PLCH1: variants seen among roughly 807,000 people sequenced by gnomAD.
PLCH1 encodes the protein phospholipase C eta 1, also known as 1-phosphatidylinositol 4,5-bisphosphate phosphodiesterase eta-1.
PLCH1 carries 60 observed loss-of-function variants against 126.7 expected under a neutral mutation model. The observed-to-expected ratio is 0.47, with a 90% CI of 0.38 to 0.59. The LOEUF is 0.59. PLCH1 is among the 20% of genes least tolerant of loss of function. PLCH1 has a pLI of 0.00. For missense variants in PLCH1, 1,723 were observed against 2,040.0 expected (o/e 0.84, Z 2.99); for synonymous variants, 719 against 734.9 (o/e 0.98, Z 0.35).
intron 2 of PLCH1, among the ~76,000 whole-genome samples, chr3:155,610,814 C>G (rs1016635608): frequency 1.3e-5 from 2 of 151,200 alleles, no homozygotes; most frequent in African/African-American, 4.9e-5. Flanking sequence ...TAAAAAAAAA[C>G]ACAAGGAATT....
chr3:155,628,190 A>G (rs889277763), intron 2 of PLCH1, among the ~76,000 whole-genome samples: 17 of 152,014 alleles, frequency 1.1e-4, no homozygotes, highest in Admixed American at 1.1e-3. Flanking sequence ...GGGATACACC[A>G]CCCCAAAGTA....
At chr3:155,504,705 G>T in intron 12 of PLCH1, 79 bp from the exon 13 acceptor site, 1 of 933,034 alleles carries the variant, frequency 1.1e-6, no homozygotes, top group South Asian at 1.4e-5. Flanking sequence ...GAATAGCAAG[G>T]GGGCCCTCTT....
intron 2 of PLCH1, chr3:155,675,992 C>G (rs1744046417): frequency 6.7e-7 from 1 of 1,493,534 alleles, no homozygotes; most frequent in Non-Finnish European, 9.1e-7. Context: ...TAGTATGAGT[C>G]TTACCTTTTT....
chr3:155,638,413 A>G (rs547797155), intron 2 of PLCH1, among the ~76,000 whole-genome samples: 4 of 152,244 alleles, frequency 2.6e-5, no homozygotes, highest in Non-Finnish European at 5.9e-5. Flanking sequence ...GCTAAATTTA[A>G]GCCTGCTATA....
At chr3:155,566,238 T>TAC (rs869139814) in intron 7 of PLCH1, among the ~76,000 whole-genome samples, 20 of 110,676 alleles carry the variant, frequency 1.8e-4, no homozygotes, top group Admixed American at 3.7e-4. Flanking sequence ...CACATATATA[T>TAC]ACATATATAT....
At chr3:155,664,311 A>G (rs952807803) in intron 2 of PLCH1, among the ~76,000 whole-genome samples, 6 of 152,244 alleles carry the variant, frequency 3.9e-5, no homozygotes, top group Non-Finnish European at 8.8e-5. Flanking sequence ...TGTCTGAACT[A>G]TAGGGCTCTA....
In PLCH1 at chr3:155,684,153, C is replaced by T. The variant is rs571000866; in HGVS notation, c.79+19993G>A. On this transcript the variant is annotated intron_variant, in intron 2 of 22. Coordinates refer to ENST00000460012, the MANE Select transcript of PLCH1 (RefSeq NM_014996.4). ...AATACATGCATTCAAATAGGAGATA[C>T]GCATGGTCATCATAACGCAAACCCC... 4.6e-5 allele frequency among the ~76,000 whole-genome samples: 7 copies of T among 152,284 alleles called. No individual in the cohort carries two copies. The East Asian group carries it at 5.8e-4, about 13-fold the overall frequency.
intron 14 of PLCH1, among the ~76,000 whole-genome samples, chr3:155,500,185 A>C (rs962743602): frequency 6.6e-6 from 1 of 152,176 alleles, no homozygotes; most frequent in Non-Finnish European, 1.5e-5. Context: ...CAAACAAACA[A>C]ACAAAAAAGA....
intron 21 of PLCH1, among the ~76,000 whole-genome samples, chr3:155,466,490 A>C (rs962341031): frequency 6.6e-6 from 1 of 152,168 alleles, no homozygotes; most frequent in Non-Finnish European, 1.5e-5. Flanking sequence ...AATTCTTTCA[A>C]ATACCTAGAA....
chr3:155,664,201 T>TG (rs1483462030), intron 2 of PLCH1, among the ~76,000 whole-genome samples: 1 of 152,230 alleles, frequency 6.6e-6, no homozygotes, highest in Non-Finnish European at 1.5e-5. Flanking sequence ...CTGATTATCT[T>TG]GGCTAGTTCG....
At chr3:155,519,566 C>G (rs766643090) in intron 11 of PLCH1, among the ~76,000 whole-genome samples, 1 of 151,864 alleles carries the variant, frequency 6.6e-6, no homozygotes, top group African/African-American at 2.4e-5. Context: ...TGAAAGGAAC[C>G]TTCCAAACAG....
intron 2 of PLCH1, among the ~76,000 whole-genome samples, chr3:155,601,254 G>C (rs761680472): frequency 1.3e-5 from 2 of 152,196 alleles, no homozygotes; most frequent in Non-Finnish European, 2.9e-5. Context: ...TGGGATTACA[G>C]GCGTGAGCCA....
chr3:155,570,154 A>G (rs1729007771), intron 6 of PLCH1, among the ~76,000 whole-genome samples: 2 of 152,198 alleles, frequency 1.3e-5, no homozygotes, highest in Admixed American at 1.3e-4. Flanking sequence ...TGTAAGAGTC[A>G]ATCGACTCCC....
intron 1 of PLCH1, among the ~76,000 whole-genome samples, chr3:155,708,440 A>G (rs1746850436): frequency 6.6e-6 from 1 of 152,166 alleles, no homozygotes; most frequent in African/African-American, 2.4e-5. Flanking sequence ...AGCCAGAAGG[A>G]AACTGAGGCC....
chr3:155,693,471 C>CAAAAA (rs1227159940), intron 2 of PLCH1, among the ~76,000 whole-genome samples: 29 of 10,176 alleles, frequency 2.8e-3, no homozygotes, highest in Non-Finnish European at 3.7e-3. Flanking sequence ...GACTCCGTCT[C>CAAAAA]AAAAAAAAAA....
At chr3:155,528,726 T>A (rs1722286359) in intron 10 of PLCH1, among the ~76,000 whole-genome samples, 1 of 152,136 alleles carries the variant, frequency 6.6e-6, no homozygotes, top group African/African-American at 2.4e-5. Context: ...TACCACTGAC[T>A]AGAAAGGAAA....
At chr3:155,710,377 A>C (rs1747013329) in intron 1 of PLCH1, among the ~76,000 whole-genome samples, 1 of 152,240 alleles carries the variant, frequency 6.6e-6, no homozygotes, top group Non-Finnish European at 1.5e-5. Flanking sequence ...CCAGACTGTG[A>C]CTTGTCACTA....
chr3:155,571,804 TAAG>T (rs1352051990), intron 6 of PLCH1, among the ~76,000 whole-genome samples: 1 of 152,260 alleles, frequency 6.6e-6, no homozygotes. Flanking sequence ...AACATAATAA[TAAG>T]ATCTTCTGGA....
At chr3:155,499,525 A>G (rs1029934353) in intron 14 of PLCH1, among the ~76,000 whole-genome samples, 1 of 152,208 alleles carries the variant, frequency 6.6e-6, no homozygotes, top group Non-Finnish European at 1.5e-5. Flanking sequence ...CTAGAGGTGC[A>G]TTAGGTTACT....
Sources: allele counts gnomAD v4.1 joint callset (sites outside exome capture counted in the v4.1 genomes callset), GRCh38; gene constraint gnomAD v4.1.1; transcripts MANE v1.5; gene names NCBI Gene and HGNC (gene_info 2026-07-23, HGNC 2026-07-21).